The following KALRN variants were observed in gnomAD, a reference collection of about 807,000 sequenced individuals.
KALRN encodes kalirin RhoGEF kinase, also known as kalirin.
A neutral mutation model predicts 353.7 loss-of-function variants in KALRN; 70 were observed. The observed-to-expected ratio is 0.20, with a 90% CI of 0.16 to 0.24. The LOEUF (loss-of-function observed/expected upper bound fraction) is 0.24. KALRN is among the 10% of genes least tolerant of loss of function. The probability of loss-of-function intolerance (pLI) is 1.00; values close to 1 mark genes in which losing one functional copy is unlikely to be tolerated. For missense variants in KALRN, 2,791 were observed against 3,756.7 expected (o/e 0.74, Z 6.72); for synonymous variants, 1,391 against 1,434.8 (o/e 0.97, Z 0.69).
intron 1 of KALRN, among the ~76,000 whole-genome samples, chr3:124,166,551 G>A (rs1266559632): frequency 6.6e-6 from 1 of 151,996 alleles, no homozygotes; most frequent in Non-Finnish European, 1.5e-5. Flanking sequence ...ATTATATTAT[G>A]TCTCTCCCTA....
intron 1 of KALRN, among the ~76,000 whole-genome samples, chr3:124,174,310 T>G (rs1324479386): frequency 6.6e-6 from 1 of 152,058 alleles, no homozygotes; most frequent in Admixed American, 6.6e-5. Context: ...GGTGTGTGCC[T>G]GTAGTCCAAG....
chr3:124,697,756 C>G, intron 55 of KALRN, 32 bp downstream of exon 55: 1 of 1,478,090 alleles, frequency 6.8e-7, no homozygotes, highest in South Asian at 1.3e-5. Flanking sequence ...TTTTTCTTTT[C>G]TCTTCTTTTA....
At chr3:124,261,715 C>T (rs1326207209) in intron 3 of KALRN, among the ~76,000 whole-genome samples, 1 of 152,200 alleles carries the variant, frequency 6.6e-6, no homozygotes, top group South Asian at 2.1e-4. Flanking sequence ...AAAGAATTCT[C>T]AGGTCAGCAT....
chr3:124,539,922 T>TTTGGGGGG (rs760016132), intron 33 of KALRN, among the ~76,000 whole-genome samples: 1 of 131,910 alleles, frequency 7.6e-6, no homozygotes, highest in Non-Finnish European at 1.6e-5. Context: ...TAATTTTTTT[T>TTTGGGGGG]GGGGGGGGGG....
At chr3:124,185,635 T>C (rs1009549398) in intron 1 of KALRN, among the ~76,000 whole-genome samples, 2 of 152,208 alleles carry the variant, frequency 1.3e-5, no homozygotes, top group Non-Finnish European at 2.9e-5. Flanking sequence ...TTCCTGTTCC[T>C]CTGGTCAGAG....
intron 1 of KALRN, among the ~76,000 whole-genome samples, chr3:124,179,273 TTTTTAAAAC>T (rs1476345615): frequency 1.3e-5 from 2 of 152,202 alleles, no homozygotes; most frequent in South Asian, 2.1e-4. Context: ...TTTAAAAAAA[TTTTTAAAAC>T]TTTTAAAACT....
intron 3 of KALRN, among the ~76,000 whole-genome samples, chr3:124,244,529 G>A (rs956115566): frequency 6.6e-6 from 1 of 152,166 alleles, no homozygotes; most frequent in Non-Finnish European, 1.5e-5. Flanking sequence ...GAGCGACCGC[G>A]CCTGGCCTAG....
chr3:124,532,648 A>G (rs1390044637), intron 33 of KALRN, among the ~76,000 whole-genome samples: 2 of 152,092 alleles, frequency 1.3e-5, no homozygotes, highest in Non-Finnish European at 2.9e-5. Context: ...TCTACTAAAA[A>G]TACAAAAAAT....
intron 34 of KALRN, among the ~76,000 whole-genome samples, chr3:124,571,666 AG>A (rs2073522771): frequency 6.6e-6 from 1 of 152,098 alleles, no homozygotes; most frequent in Non-Finnish European, 1.5e-5. Flanking sequence ...GATTAACCAA[AG>A]TATCCTGTGT....
intron 47 of KALRN, among the ~76,000 whole-genome samples, chr3:124,668,795 T>C (rs966765226): frequency 6.6e-6 from 1 of 152,212 alleles, no homozygotes; most frequent in African/African-American, 2.4e-5. Flanking sequence ...CTGAATATAA[T>C]ATACAACTTC....
At chr3:124,388,135 T>A (rs750225681) in intron 11 of KALRN, among the ~76,000 whole-genome samples, 48 of 152,250 alleles carry the variant, frequency 3.2e-4, no homozygotes, top group South Asian at 1.5e-3. Flanking sequence ...CAGATCTATT[T>A]TCTTATGCTT....
At chr3:124,238,043 C>A (rs1454241824) in intron 3 of KALRN, among the ~76,000 whole-genome samples, 1 of 152,164 alleles carries the variant, frequency 6.6e-6, no homozygotes, top group Non-Finnish European at 1.5e-5. Context: ...TAGTCCCACT[C>A]TCCTCTCTGT....
intron 27 of KALRN, among the ~76,000 whole-genome samples, chr3:124,479,716 ATTTTTT>A: frequency 1.2e-5 from 1 of 86,792 alleles, no homozygotes; most frequent in East Asian, 3.3e-4. Context: ...ACGATCCAGA[ATTTTTT>A]TTTTTTTTTT....
At chr3:124,126,618 G>A (rs1205472436) in intron 1 of KALRN, among the ~76,000 whole-genome samples, 3 of 152,206 alleles carry the variant, frequency 2.0e-5, no homozygotes, top group Non-Finnish European at 2.9e-5. Context: ...ATTCTCCTAA[G>A]AGAATTTACA....
At chr3:124,084,580 A>G (rs1424586285) in intron 1 of KALRN, among the ~76,000 whole-genome samples, 1 of 152,234 alleles carries the variant, frequency 6.6e-6, no homozygotes, top group African/African-American at 2.4e-5. Context: ...TCACCAGCTG[A>G]AAGAAGGAAG....
intron 1 of KALRN, among the ~76,000 whole-genome samples, chr3:124,220,502 T>C (rs981820367): frequency 6.6e-6 from 1 of 152,076 alleles, no homozygotes. Context: ...TCTTTTTCTC[T>C]TGTGTTAACA....
At chr3:124,473,720 C>T (rs2061166467) in intron 25 of KALRN, among the ~76,000 whole-genome samples, 1 of 152,068 alleles carries the variant, frequency 6.6e-6, no homozygotes, top group African/African-American at 2.4e-5. Context: ...CATGTATATA[C>T]ATCATTTTAT....
At chr3:124,327,267 T>G (rs1160111765) in intron 7 of KALRN, among the ~76,000 whole-genome samples, 1 of 152,222 alleles carries the variant, frequency 6.6e-6, no homozygotes, top group Non-Finnish European at 1.5e-5. Context: ...CTTCCAATAT[T>G]CAAAAACTGT....
intron 37 of KALRN, among the ~76,000 whole-genome samples, chr3:124,644,367 T>C (rs989823155): frequency 3.3e-5 from 5 of 152,180 alleles, no homozygotes; most frequent in African/African-American, 9.7e-5. Flanking sequence ...AGGATACATG[T>C]GCAGAGCGTG....
Sources: gnomAD v4.1 joint callset for allele counts (sites outside exome capture counted in the v4.1 genomes callset) on GRCh38, gnomAD v4.1.1 for gene constraint, MANE v1.5 for transcripts, NCBI Gene and HGNC (gene_info 2026-07-23, HGNC 2026-07-21) for gene names.